The following MED16 variants were observed in gnomAD, a reference collection of about 807,000 sequenced individuals.
MED16 encodes mediator of RNA polymerase II transcription subunit 16.
In MED16, 81 loss-of-function variants were observed where a neutral mutation model predicts 84.4. The observed-to-expected ratio is 0.96, with a 90% CI of 0.80 to 1.15. The LOEUF is 1.15. Ranked by LOEUF, MED16 falls within the 50% of genes most tolerant of loss-of-function variation. The probability of loss-of-function intolerance (pLI) is 0.00; values close to 1 mark genes in which losing one functional copy is unlikely to be tolerated. For missense variants in MED16, 1,585 were observed against 1,245.9 expected (o/e 1.27, Z -4.10); for synonymous variants, 897 against 552.2 (o/e 1.62, Z -8.76).
chr19:891,245 G>A (rs2036625806), intron 1 of MED16, 96 bp from the exon 2 acceptor site: 9 of 1,247,090 alleles, frequency 7.2e-6, no homozygotes, highest in Admixed American at 2.3e-5. Flanking sequence ...GGAGGCCCGT[G>A]GTAGAGGGAA....
Position 871,190 on chromosome 19 carries a change from G to C in MED16, c.2162C>G (p.Pro721Arg). The change falls in exon 13 of 16, where the codon CCC becomes CGC. Residue 721 changes from proline to arginine, a missense_variant. Physicochemically the swap from Pro to Arg is moderately radical, Grantham distance 103. Transcript: ENST00000325464. ...CAGGCTGGGGATAAGCAGCTGGCTGGGCAGCAGGCAGCATTCATCCACCAG... is the reference window on the plus strand; with the variant it reads ...CAGGCTGGGGATAAGCAGCTGGCTGCGCAGCAGGCAGCATTCATCCACCAG... ...EALVDECCLLPSQLLIPSLDW... is the reference protein window; with the variant it reads ...EALVDECCLLRSQLLIPSLDW... The C allele has an allele frequency of 1.3e-6, 2 of 1,549,976 alleles. No individual in the cohort carries two copies. Among genetic ancestry groups the C allele is most frequent in the Non-Finnish European group, 1.7e-6 (2 of 1,146,668 alleles).
rs767663188 is a variant in MED16 at position 884,937 on chromosome 19, G to A, written c.951C>T (p.Pro317=). 9.3e-6 allele frequency: 15 copies of A among 1,609,492 alleles called. No individual in the cohort carries two copies. Among genetic ancestry groups the A allele is most frequent in the African/African-American group, 5.3e-5 (4 of 74,896 alleles). ...ECWSLRKEGL[P]VNNIFQQISP... Reference sequence around the variant, plus strand: ...AGATCTGCTGGAAGATGTTGTTCACGGGGAGTCCCTCCTTGCGCAGGGACC... The same window carrying A: ...AGATCTGCTGGAAGATGTTGTTCACAGGGAGTCCCTCCTTGCGCAGGGACC... Residue 317 remains proline (P), a synonymous_variant, in exon 6 of 16, where the codon CCC becomes CCT. Transcript: ENST00000325464.
In MED16 at chr19:875,287, G is replaced by C; in HGVS notation, c.1728C>G (p.Pro576=). 1 of 1,463,660 alleles carries C rather than the reference G, an allele frequency of 6.8e-7. No individual in the cohort carries two copies. The highest frequency in any genetic ancestry group is 9.0e-7 in the Non-Finnish European group (1 of 1,107,340). 90.7% of individuals were successfully genotyped at this position (1,463,660 alleles called of 1,614,324 possible). Residue 576 remains proline, a synonymous_variant, in exon 10 of 16, where the codon CCC becomes CCG. Transcript: ENST00000325464. ...TGCAGATCTCGGTCAGCCGGTCGCC[G>C]GGGCTCTTGTCAGGCGTGTTGAGAA... ...PHFLNTPDKS[P]GDRLTEICTK...
At chr19:869,268 C>T (rs1253028828) in intron 13 of MED16, among the ~76,000 whole-genome samples, 3 of 152,174 alleles carry the variant, frequency 2.0e-5, no homozygotes, top group Non-Finnish European at 4.4e-5. Flanking sequence ...GCCTGAGGTG[C>T]AGGGAAGGTG....
At position 884,856 on chromosome 19, in the gene MED16, G is replaced by A. The variant is rs757297917; in HGVS notation, c.985+47C>T. 10 of 1,474,122 alleles carry A rather than the reference G, an allele frequency of 6.8e-6. No homozygotes were observed. In the South Asian group the frequency reaches 8.3e-5, roughly 12 times the overall value. The allele number at this position is 1,474,122 out of a possible 1,614,324, so 91.3% of individuals were successfully genotyped here. A position where few individuals can be genotyped will look rare whatever the true frequency, so the allele number is the denominator to read the frequency against. ...CCTGCCTCCAAAATAAAAACCAACC[G>A]CCCCCGAGGGCAGGCCCAGGGCCTC... On this transcript the variant is annotated intron_variant, in intron 6 of 15. Transcript: ENST00000325464.
intron 4 of MED16, among the ~76,000 whole-genome samples, chr19:887,174 TAAGTTAC>T (rs2036544122): frequency 6.6e-6 from 1 of 151,778 alleles, no homozygotes; most frequent in Admixed American, 6.6e-5. Flanking sequence ...GGCTCCATTC[TAAGTTAC>T]AAGTTAAAAA....
intron 5 of MED16, among the ~76,000 whole-genome samples, chr19:885,441 G>A (rs974695606): frequency 1.3e-5 from 2 of 152,074 alleles, no homozygotes; most frequent in African/African-American, 2.4e-5. Flanking sequence ...ACACTGAGAC[G>A]GGAGAGCACG....
rs374316201 is a variant in MED16 at position 870,968 on chromosome 19, C to T, written c.2315+69G>A. ...ATGCAGGGAGGGAGCCGTGTGGATT[C>T]GGGGGTCCCGGGGCAGGACACGGAG... is the stretch of plus-strand genomic sequence containing the variant. On this transcript the variant is annotated intron_variant, in intron 13 of 15. Transcript: ENST00000325464. The T allele has an allele frequency of 2.0e-4, 267 of 1,336,152 alleles. 2 individuals are homozygous for T. The South Asian group carries it at 4.0e-3, about 20-fold the overall frequency. 82.8% of individuals were successfully genotyped at this position (1,336,152 alleles called of 1,614,324 possible).
At position 871,305 on chromosome 19, in the gene MED16, G is replaced by A. The variant is rs373113340; in HGVS notation, c.2099-52C>T. 6.3e-5 allele frequency: 94 copies of A among 1,487,678 alleles called. 1 individual carries two copies. Among genetic ancestry groups the A allele is most frequent in the African/African-American group, 5.3e-4 (38 of 72,276 alleles). The allele number at this position is 1,487,678 out of a possible 1,614,324, so 92.2% of individuals were successfully genotyped here. ...AGCACCCCTGACTGGGGCACCGCCC[G>A]GCCACCCGGGACGTGCTGGGAGCCC... On this transcript the variant is annotated intron_variant, in intron 12 of 15. Coordinates refer to ENST00000325464, the MANE Select transcript of MED16 (RefSeq NM_005481.3).
Position 886,192 on chromosome 19 carries a change from A to G in MED16, c.457T>C (p.Ser153Pro). The G allele has an allele frequency of 6.6e-7, 1 of 1,510,296 alleles. No homozygotes were observed. Among genetic ancestry groups the G allele is most frequent in the Non-Finnish European group, 8.8e-7 (1 of 1,132,376 alleles). The allele number at this position is 1,510,296 out of a possible 1,614,324, so 93.6% of individuals were successfully genotyped here. ...LALHVEKSGA[S>P]SFGEKFSRVK... Reference sequence around the variant, plus strand: ...CGGGAGAACTTCTCCCCGAAGCTGGAGGCGCCCGACTGTGGAGAAGGGAGG... The same window carrying G: ...CGGGAGAACTTCTCCCCGAAGCTGGGGGCGCCCGACTGTGGAGAAGGGAGG... The change falls in exon 5 of 16, where the codon TCC becomes CCC. Residue 153 changes from serine to proline, a missense_variant. Coordinates refer to ENST00000325464, the MANE Select transcript of MED16 (RefSeq NM_005481.3).
At chr19:876,853 C>G (rs972979918) in intron 9 of MED16, 121 bp downstream of exon 9, 29 of 888,758 alleles carry the variant, frequency 3.3e-5, no homozygotes, top group Non-Finnish European at 4.3e-5. Context: ...GACAGCCCCA[C>G]CTGGCACGGG....
chr19:886,291 G>A (rs573965002), intron 4 of MED16, 90 bp from the exon 5 acceptor site: 7 of 1,166,848 alleles, frequency 6.0e-6, no homozygotes, highest in South Asian at 1.6e-5. Flanking sequence ...GAAGAACCAC[G>A]CAGAAGCCAG....
At chr19:886,223 A>T in intron 4 of MED16, 22 bp from the exon 5 acceptor site, 1 of 1,488,274 alleles carries the variant, frequency 6.7e-7, no homozygotes, top group Non-Finnish European at 8.9e-7. Flanking sequence ...GGAGGGAGGG[A>T]GGAGGGGCCG....
intron 5 of MED16, among the ~76,000 whole-genome samples, chr19:885,389 C>T (rs1282356795): frequency 6.6e-6 from 1 of 152,116 alleles, no homozygotes; most frequent in East Asian, 1.9e-4. Flanking sequence ...GGCTGGGCCG[C>T]CTCTCACAGA....
intron 11 of MED16, chr19:872,925 A>G (rs1293475925): frequency 9.7e-7 from 1 of 1,034,312 alleles, no homozygotes; most frequent in South Asian, 2.6e-5. Context: ...CAGAGGCTTC[A>G]TGGAGAGGAG....
chr19:870,954 G>C (rs1256284787), intron 13 of MED16, 83 bp downstream of exon 13: 10 of 1,356,476 alleles, frequency 7.4e-6, no homozygotes, highest in African/African-American at 4.3e-5. Context: ...TGCAGGGAGG[G>C]AGCCGTGTGG....
Position 868,967 on chromosome 19 carries a change from G to C in MED16, c.2316-21C>G, listed in dbSNP as rs369228460. 5.2e-6 allele frequency: 8 copies of C among 1,527,024 alleles called. No individual in the cohort carries two copies. In the East Asian group the frequency reaches 1.7e-4, roughly 32 times the overall value. 94.6% of individuals were successfully genotyped at this position (1,527,024 alleles called of 1,614,324 possible). A position where few individuals can be genotyped will look rare whatever the true frequency, so the allele number is the denominator to read the frequency against. The stretch of plus-strand genomic sequence containing the variant: ...GGGCCCTGGCGGGAGAGGGGAGAAC[G>C]TGAGGGAGGCCTGGGCACCACGAGG... On this transcript the variant is annotated intron_variant, in intron 13 of 15. Transcript: ENST00000325464.
In MED16 at chr19:872,202, C is replaced by T. The variant is rs1056894931; in HGVS notation, c.1906-84G>A. 3.3e-5 allele frequency: 40 copies of T among 1,206,726 alleles called. No individual in the cohort carries two copies. The South Asian group carries it at 4.6e-4, about 14-fold the overall frequency. The allele number at this position is 1,206,726 out of a possible 1,614,324, so 74.8% of individuals were successfully genotyped here. A position where few individuals can be genotyped will look rare whatever the true frequency, so the allele number is the denominator to read the frequency against. On this transcript the variant is annotated intron_variant, in intron 11 of 15. Transcript: ENST00000325464. ...AAGTGTCTTGGGGTCGGTGGAACCC[C>T]GACCGGGGGGCAATGGGCAGGGTCT...
chr19:876,897 G>GCCCCCACCTGCCACAGGGC (rs553443853), intron 9 of MED16, 77 bp downstream of exon 9: 2 of 1,358,386 alleles, frequency 1.5e-6, no homozygotes, highest in Middle Eastern at 2.6e-4. Flanking sequence ...CTGCCACGGG[G>GCCCCCACCTGCCACAGGGC]CCCCACCTGC....
Sources: gnomAD v4.1 joint callset for allele counts (sites outside exome capture counted in the v4.1 genomes callset) on GRCh38, gnomAD v4.1.1 for gene constraint, MANE v1.5 for transcripts, NCBI Gene and HGNC (gene_info 2026-07-23, HGNC 2026-07-21) for gene names.